TBX20: variants seen among roughly 807,000 people sequenced by gnomAD.
TBX20 encodes the protein T-box transcription factor TBX20.
Under a neutral mutation model 42.9 loss-of-function variants are expected in TBX20, and 8 were observed. The ratio of observed to expected loss-of-function variants is 0.19; its 90% CI spans 0.11 to 0.34. The LOEUF (loss-of-function observed/expected upper bound fraction) is 0.34, where lower values mean the gene tolerates loss of function less well. Among genes scored for constraint, TBX20 ranks in the 10% least tolerant of loss-of-function variants. The pLI, the probability that TBX20 is intolerant of heterozygous loss-of-function variation, is 1.00. For missense variants in TBX20, 411 were observed against 566.0 expected (o/e 0.73, Z 2.78); for synonymous variants, 198 against 222.8 (o/e 0.89, Z 0.99).
At chr7:35,238,189 G>C (rs1484374616) in intron 5 of TBX20, among the ~76,000 whole-genome samples, 1 of 152,140 alleles carries the variant, frequency 6.6e-6, no homozygotes, top group Non-Finnish European at 1.5e-5. Context: ...GTGGTGTCTT[G>C]CACATAGTAA....
intron 3 of TBX20, among the ~76,000 whole-genome samples, chr7:35,246,731 C>T (rs1562567014): frequency 6.6e-6 from 1 of 152,032 alleles, no homozygotes; most frequent in Non-Finnish European, 1.5e-5. Flanking sequence ...TTTTTGCCAT[C>T]AGTATAAAAA....
intron 6 of TBX20, among the ~76,000 whole-genome samples, chr7:35,226,307 T>C (rs1789769394): frequency 6.6e-6 from 1 of 150,866 alleles, no homozygotes; most frequent in South Asian, 2.1e-4. Context: ...ATTTTCAAAC[T>C]GGTAAAATGA....
chr7:35,207,563 C>T (rs1172570802), intron 6 of TBX20, among the ~76,000 whole-genome samples: 4 of 152,050 alleles, frequency 2.6e-5, no homozygotes, highest in Non-Finnish European at 5.9e-5. Flanking sequence ...TTTGCCTAGC[C>T]CAAGACCACA....
chr7:35,236,495 C>T (rs1789968508), intron 5 of TBX20, among the ~76,000 whole-genome samples: 4 of 152,018 alleles, frequency 2.6e-5, no homozygotes, highest in Non-Finnish European at 5.9e-5. Flanking sequence ...TGGTAGAAGG[C>T]CTAGAAAGAG....
chr7:35,242,746 C>T (rs540238569), intron 4 of TBX20, among the ~76,000 whole-genome samples: 3 of 152,166 alleles, frequency 2.0e-5, no homozygotes, highest in Non-Finnish European at 4.4e-5. Context: ...TGCTCAAGCC[C>T]TCCTGTGACT....
chr7:35,221,259 T>C (rs1183798932), intron 6 of TBX20, among the ~76,000 whole-genome samples: 7 of 144,790 alleles, frequency 4.8e-5, no homozygotes, highest in Non-Finnish European at 1.1e-4. Flanking sequence ...CTATTTCCTA[T>C]TATATAGGAC....
At chr7:35,238,640 T>C (rs1432169953) in intron 5 of TBX20, among the ~76,000 whole-genome samples, 1 of 152,234 alleles carries the variant, frequency 6.6e-6, no homozygotes. Context: ...CCACGTGCCC[T>C]CAAATAAATT....
intron 6 of TBX20, among the ~76,000 whole-genome samples, chr7:35,218,791 C>T (rs998404568): frequency 2.0e-5 from 3 of 152,066 alleles, no homozygotes; most frequent in African/African-American, 7.2e-5. Flanking sequence ...AACCTAATCA[C>T]CAATGTGACA....
Position 35,249,810 on chromosome 7 carries a change from G to T in TBX20, c.380+141C>A. On this transcript the variant is annotated intron_variant, in intron 2 of 7. Transcript: ENST00000408931. The surrounding 1 kb of genome is among the most constrained non-coding windows in gnomAD (Gnocchi z 4.3). Reference sequence around the variant, plus strand: ...CCTGTAGCTCCTAATGCAAGCTGGTGGAAAGCAGCTGCCCTGGAGCCAAGC... The same window carrying T: ...CCTGTAGCTCCTAATGCAAGCTGGTTGAAAGCAGCTGCCCTGGAGCCAAGC... 1 of 941,528 alleles carries T rather than the reference G, an allele frequency of 1.1e-6. No homozygotes were observed. The allele number at this position is 941,528 out of a possible 1,614,324, so 58.3% of individuals were successfully genotyped here.
At chr7:35,253,396 T>G (rs1222142626) in intron 1 of TBX20, 98 bp downstream of exon 1, 3 of 1,422,048 alleles carry the variant, frequency 2.1e-6, no homozygotes, top group Non-Finnish European at 2.9e-6. Context: ...GCTCATGGCT[T>G]GAGCATCAGA....
At chr7:35,210,716 A>T (rs1459511448) in intron 6 of TBX20, among the ~76,000 whole-genome samples, 1 of 152,078 alleles carries the variant, frequency 6.6e-6, no homozygotes, top group Non-Finnish European at 1.5e-5. Flanking sequence ...TACAACTCTT[A>T]AGTTTTTCAA....
At chr7:35,217,865 C>T (rs540695423) in intron 6 of TBX20, among the ~76,000 whole-genome samples, 1 of 152,268 alleles carries the variant, frequency 6.6e-6, no homozygotes, top group South Asian at 2.1e-4. Context: ...GGATTACAGG[C>T]ATGCACCACC....
Position 35,229,436 on chromosome 7 carries a change from G to A in TBX20, c.890+2068C>T, listed in dbSNP as rs555833234. ...ATGAAAAATTCAGACTTAAATATCT[G>A]GAAATGAAATCCAAAACCTCGGCCA... On this transcript the variant is annotated intron_variant, in intron 6 of 7. Transcript: ENST00000408931. 2.1e-3 allele frequency among the ~76,000 whole-genome samples: 321 copies of A among 152,170 alleles called. 6 individuals carry two copies. The highest frequency in any genetic ancestry group is 7.3e-3 in the African/African-American group (305 of 41,518).
intron 5 of TBX20, among the ~76,000 whole-genome samples, chr7:35,237,466 G>A (rs932159184): frequency 1.7e-4 from 26 of 152,002 alleles, no homozygotes; most frequent in African/African-American, 5.8e-4. Flanking sequence ...TGTTCTCATT[G>A]TCAGAATATG....
intron 6 of TBX20, among the ~76,000 whole-genome samples, chr7:35,207,527 C>A (rs182908447): frequency 1.3e-5 from 2 of 151,962 alleles, no homozygotes; most frequent in African/African-American, 4.8e-5. Context: ...CTATGGATCA[C>A]GCTTTTGGTG....
chr7:35,254,073 G>C lies in TBX20; in HGVS notation c.-453C>G, dbSNP rs1410634611. On this transcript the variant is annotated 5_prime_UTR_variant, in exon 1 of 8. Coordinates refer to ENST00000408931, the MANE Select transcript of TBX20 (RefSeq NM_001077653.2). ...GGCTGCTAGGACGCTGGCGTGGGGA[G>C]CGCGGCGCGGAACTACGGACAGTGA... 1 of 154,924 alleles carries C rather than the reference G, an allele frequency of 6.5e-6. No individual in the cohort carries two copies. The highest frequency in any genetic ancestry group is 2.4e-5 in the African/African-American group (1 of 41,518). 9.6% of individuals were successfully genotyped at this position (154,924 alleles called of 1,614,324 possible). A position where few individuals can be genotyped will look rare whatever the true frequency, so the allele number is the denominator to read the frequency against.
intron 2 of TBX20, 125 bp from the exon 3 acceptor site, chr7:35,248,966 C>T: frequency 1.8e-6 from 2 of 1,085,734 alleles, no homozygotes; most frequent in Non-Finnish European, 2.8e-6. Context: ...CTATCCGGTC[C>T]ACAAACCCCT....
intron 1 of TBX20, among the ~76,000 whole-genome samples, chr7:35,251,590 T>C (rs1790306920): frequency 6.6e-6 from 1 of 152,208 alleles, no homozygotes. Context: ...CTTTTTTTTC[T>C]GACAACTGAA....
intron 6 of TBX20, among the ~76,000 whole-genome samples, chr7:35,210,261 CCCA>C (rs1467489871): frequency 1.3e-5 from 2 of 151,568 alleles, no homozygotes; most frequent in East Asian, 1.9e-4. Flanking sequence ...ACTACAGGTG[CCCA>C]CCACCACGCC....
Sources: allele counts gnomAD v4.1 joint callset (sites outside exome capture counted in the v4.1 genomes callset), GRCh38; gene constraint gnomAD v4.1.1; non-coding constraint Gnocchi (gnomAD v3.1); transcripts MANE v1.5; gene names NCBI Gene and HGNC (gene_info 2026-07-23, HGNC 2026-07-21).